THRB: variants seen among roughly 807,000 people sequenced by gnomAD.
The protein encoded by THRB is thyroid hormone receptor beta.
In THRB, 12 loss-of-function variants were observed where a neutral mutation model predicts 47.8. The ratio of observed to expected loss-of-function variants is 0.25; its 90% CI spans 0.16 to 0.41. THRB has a LOEUF of 0.41. THRB is among the 10% of genes least tolerant of loss of function. THRB has a pLI of 1.00. For synonymous variants in THRB, 218 were observed against 212.2 expected (o/e 1.03, Z -0.24); for missense variants, 348 against 589.2 (o/e 0.59, Z 4.24).
At chr3:24,163,227 A>C (rs2039138659) in intron 5 of THRB, among the ~76,000 whole-genome samples, 1 of 152,260 alleles carries the variant, frequency 6.6e-6, no homozygotes, top group African/African-American at 2.4e-5. Context: ...GTAAAAGTAA[A>C]TAATGGTGCA....
intron 1 of THRB, among the ~76,000 whole-genome samples, chr3:24,441,491 T>C (rs780689732): frequency 2.6e-4 from 40 of 152,210 alleles, no homozygotes; most frequent in Admixed American, 5.2e-4. Context: ...TGGAGGCACA[T>C]TAACAGATGC....
chr3:24,480,056 C>T (rs1407790480), intron 1 of THRB, among the ~76,000 whole-genome samples: 3 of 152,186 alleles, frequency 2.0e-5, no homozygotes, highest in Admixed American at 6.5e-5. Flanking sequence ...GCTCCAGGTG[C>T]CCACAATGCT....
At chr3:24,493,112 A>AT (rs1698427534) in intron 1 of THRB, among the ~76,000 whole-genome samples, 1 of 152,202 alleles carries the variant, frequency 6.6e-6, no homozygotes, top group African/African-American at 2.4e-5. Flanking sequence ...GTTTGACTCA[A>AT]TTAAAACACT....
At chr3:24,422,981 C>A (rs536476572) in intron 1 of THRB, among the ~76,000 whole-genome samples, 3 of 151,962 alleles carry the variant, frequency 2.0e-5, no homozygotes, top group Middle Eastern at 3.4e-3. Context: ...CTGGAAGTTT[C>A]CTTTTTGAAG....
chr3:24,224,539 T>C (rs1475891827), intron 4 of THRB, among the ~76,000 whole-genome samples: 1 of 152,012 alleles, frequency 6.6e-6, no homozygotes, highest in African/African-American at 2.4e-5. Flanking sequence ...AAGGAAGAAA[T>C]GGCCATTAAG....
intron 1 of THRB, among the ~76,000 whole-genome samples, chr3:24,388,480 T>C (rs958313926): frequency 1.3e-5 from 2 of 152,184 alleles, no homozygotes; most frequent in Non-Finnish European, 2.9e-5. Context: ...GCACACATCA[T>C]AACCCAAAGG....
intron 1 of THRB, among the ~76,000 whole-genome samples, chr3:24,474,687 T>C (rs1287331667): frequency 6.6e-6 from 1 of 152,182 alleles, no homozygotes; most frequent in Admixed American, 6.5e-5. Context: ...TGATAGTTCA[T>C]TTAAAAACAA....
intron 2 of THRB, among the ~76,000 whole-genome samples, chr3:24,327,534 A>G (rs1268130148): frequency 6.6e-6 from 1 of 152,242 alleles, no homozygotes; most frequent in Non-Finnish European, 1.5e-5. Context: ...ATAGATACTA[A>G]GCACCTACTA....
chr3:24,248,829 C>T (rs940376984), intron 3 of THRB, among the ~76,000 whole-genome samples: 10 of 152,160 alleles, frequency 6.6e-5, no homozygotes, highest in African/African-American at 2.4e-4. Context: ...TTCTTAGGTC[C>T]TACTAATTTC....
intron 1 of THRB, among the ~76,000 whole-genome samples, chr3:24,364,249 G>A (rs2064291632): frequency 6.6e-6 from 1 of 152,106 alleles, no homozygotes; most frequent in African/African-American, 2.4e-5. Context: ...TGTAAACAGA[G>A]ATCAGCTATA....
chr3:24,352,029 T>C (rs561468295), intron 1 of THRB, among the ~76,000 whole-genome samples: 1 of 152,284 alleles, frequency 6.6e-6, no homozygotes, highest in South Asian at 2.1e-4. Context: ...CATCTATGTG[T>C]ATCACTGTGA....
At chr3:24,353,381 A>T (rs1177771257) in intron 1 of THRB, among the ~76,000 whole-genome samples, 1 of 152,174 alleles carries the variant, frequency 6.6e-6, no homozygotes. Context: ...GGCAAAACTG[A>T]GCAATAGACA....
Position 24,152,630 on chromosome 3 carries a change from C to T in THRB, c.284-140G>A, listed in dbSNP as rs554856866. 600 of 666,264 alleles carry T rather than the reference C, an allele frequency of 9.0e-4. 2 individuals carry two copies. The highest frequency in any genetic ancestry group is 1.4e-3 in the Non-Finnish European group (495 of 363,114). The allele number at this position is 666,264 out of a possible 1,614,324, so 41.3% of individuals were successfully genotyped here. ...ACAGTAAAGACTTAGTGAAACCAAA[C>T]GGTAAGAATTTTATACTCATAGAGT... On this transcript the variant is annotated intron_variant, in intron 5 of 10. Transcript: ENST00000646209.
At chr3:24,266,563 A>G (rs1262771315) in intron 3 of THRB, among the ~76,000 whole-genome samples, 5 of 152,186 alleles carry the variant, frequency 3.3e-5, no homozygotes, top group Non-Finnish European at 7.3e-5. Context: ...CAAATTAGTG[A>G]AAGAGCTGAA....
chr3:24,491,593 T>C (rs1470646739), intron 1 of THRB, among the ~76,000 whole-genome samples: 2 of 152,240 alleles, frequency 1.3e-5, no homozygotes, highest in African/African-American at 2.4e-5. Flanking sequence ...TTTATTTCTA[T>C]CTTGTGTTGG....
intron 4 of THRB, among the ~76,000 whole-genome samples, chr3:24,204,190 C>A (rs192778793): frequency 1.4e-3 from 216 of 152,364 alleles, no homozygotes; most frequent in African/African-American, 5.0e-3. Context: ...TATCTGAAAA[C>A]AGACAGACTG....
chr3:24,445,701 A>G (rs902075651), intron 1 of THRB, among the ~76,000 whole-genome samples: 3 of 152,190 alleles, frequency 2.0e-5, no homozygotes, highest in African/African-American at 4.8e-5. Context: ...CTTTGGCCAC[A>G]TCGATGAAGA....
intron 3 of THRB, among the ~76,000 whole-genome samples, chr3:24,275,444 G>C (rs527854543): frequency 6.6e-6 from 1 of 152,258 alleles, no homozygotes; most frequent in Non-Finnish European, 1.5e-5. Flanking sequence ...CCAGCCTACA[G>C]TTAGGCACCT....
chr3:24,344,002 C>T (rs1316693015), intron 1 of THRB, among the ~76,000 whole-genome samples: 1 of 148,356 alleles, frequency 6.7e-6, no homozygotes, highest in Non-Finnish European at 1.5e-5. Flanking sequence ...TAATCACATA[C>T]AGTTGGATTA....
Sources: allele counts gnomAD v4.1 joint callset (sites outside exome capture counted in the v4.1 genomes callset), GRCh38; gene constraint gnomAD v4.1.1; transcripts MANE v1.5; gene names NCBI Gene and HGNC (gene_info 2026-07-23, HGNC 2026-07-21).